Variants in NINJ2 observed in about 807,000 individuals in gnomAD.
The protein encoded by NINJ2 is ninjurin-2.
Under a neutral mutation model 11.7 loss-of-function variants are expected in NINJ2, and 12 were observed. The ratio of observed to expected loss-of-function variants is 1.02; its 90% CI spans 0.66 to 1.66. NINJ2 has a LOEUF of 1.66. NINJ2 is among the 40% of genes most tolerant of loss of function. The probability of loss-of-function intolerance (pLI) is 0.00; values close to 1 mark genes in which losing one functional copy is unlikely to be tolerated. For synonymous variants in NINJ2, 93 were observed against 76.8 expected (o/e 1.21, Z -1.10); for missense variants, 187 against 181.8 (o/e 1.03, Z -0.16).
chr12:663,050 G>A (rs543306320), intron 1 of NINJ2, among the ~76,000 whole-genome samples: 2 of 152,236 alleles, frequency 1.3e-5, no homozygotes, highest in East Asian at 1.9e-4. Flanking sequence ...CTGGTAATAC[G>A]GATCTAATTA....
chr12:590,963 C>T (rs12146777), intron 1 of NINJ2: 78 of 29,028 alleles, frequency 2.7e-3, no homozygotes, highest in African/African-American at 5.7e-3. Flanking sequence ...ATCAAGGTTA[C>T]TGGGAGGCTG....
intron 1 of NINJ2, among the ~76,000 whole-genome samples, chr12:607,337 A>G (rs542081734): frequency 7.2e-6 from 1 of 139,454 alleles, no homozygotes; most frequent in East Asian, 2.1e-4. Flanking sequence ...ACTACATAGT[A>G]GGTACTCTGT....
intron 1 of NINJ2, among the ~76,000 whole-genome samples, chr12:653,254 C>T (rs1014202321): frequency 2.0e-5 from 3 of 151,620 alleles, no homozygotes; most frequent in South Asian, 2.1e-4. Flanking sequence ...TCTCTTGACC[C>T]GTGATCTGCC....
intron 1 of NINJ2, among the ~76,000 whole-genome samples, chr12:572,626 G>A (rs866688022): frequency 3.3e-5 from 5 of 152,182 alleles, no homozygotes; most frequent in Non-Finnish European, 7.4e-5. Context: ...CAGCACACTG[G>A]AACGATGGTG....
At chr12:577,948 C>A (rs1343717236) in intron 1 of NINJ2, among the ~76,000 whole-genome samples, 1 of 152,118 alleles carries the variant, frequency 6.6e-6, no homozygotes, top group East Asian at 1.9e-4. Context: ...TTGTCTTATG[C>A]CCAATTTCTG....
intron 1 of NINJ2, among the ~76,000 whole-genome samples, chr12:605,725 G>A (rs1274863410): frequency 6.6e-6 from 1 of 152,162 alleles, no homozygotes; most frequent in Non-Finnish European, 1.5e-5. Flanking sequence ...GAAGATGAGG[G>A]GTTTTGGGGT....
chr12:634,717 T>C (rs2120450917), intron 1 of NINJ2, among the ~76,000 whole-genome samples: 1 of 152,280 alleles, frequency 6.6e-6, no homozygotes, highest in South Asian at 2.1e-4. Flanking sequence ...CAAGACAAAA[T>C]AAAATGTTTG....
chr12:567,493 G>T (rs1246196821), intron 1 of NINJ2, among the ~76,000 whole-genome samples: 20 of 152,148 alleles, frequency 1.3e-4, no homozygotes. Flanking sequence ...AGGGATGGAT[G>T]GATGGATGGA....
intron 1 of NINJ2, among the ~76,000 whole-genome samples, chr12:634,265 CTTTTTTTTTTTTTTT>C (rs67797144): frequency 1.7e-5 from 1 of 59,480 alleles, no homozygotes; most frequent in African/African-American, 5.6e-5. Context: ...AGTTGCAGTT[CTTTTTTTTTTTTTTT>C]TTTTTTTTTT....
chr12:630,030 A>G (rs1415635334), intron 1 of NINJ2, among the ~76,000 whole-genome samples: 1 of 150,306 alleles, frequency 6.7e-6, no homozygotes, highest in African/African-American at 2.4e-5. Flanking sequence ...AAACAAAACA[A>G]TTGGACACCC....
chr12:616,147 G>A (rs570106608), intron 1 of NINJ2, among the ~76,000 whole-genome samples: 71 of 152,180 alleles, frequency 4.7e-4, no homozygotes, highest in Non-Finnish European at 9.3e-4. Context: ...CCATTTCAAC[G>A]GGTTGCCTGG....
At chr12:565,438 C>G in intron 2 of NINJ2, 37 bp from the exon 3 acceptor site, 3 of 1,603,374 alleles carry the variant, frequency 1.9e-6, no homozygotes, top group Non-Finnish European at 1.7e-6. Context: ...GGGTCAGAGA[C>G]GGGGCCACAG....
chr12:611,227 T>C (rs10849339), intron 1 of NINJ2, among the ~76,000 whole-genome samples: 29,831 of 142,340 alleles, frequency 0.21, 3,218 homozygotes, highest in East Asian at 0.31. Flanking sequence ...CTTTCTTTCT[T>C]TTTCTTTCTT....
At chr12:617,483 G>A (rs1948106895) in intron 1 of NINJ2, among the ~76,000 whole-genome samples, 1 of 152,214 alleles carries the variant, frequency 6.6e-6, no homozygotes, top group South Asian at 2.1e-4. Context: ...TGAGGCAAGT[G>A]TCCTGGCTGA....
chr12:585,328 G>T lies in NINJ2; in HGVS notation c.34-19150C>A, dbSNP rs1270348287. On this transcript the variant is annotated intron_variant, in intron 1 of 3. Coordinates refer to ENST00000305108, the MANE Select transcript of NINJ2 (RefSeq NM_016533.6). The surrounding 1 kb of genome is among the most constrained non-coding windows in gnomAD (Gnocchi z 4.1). ...GGTAGAACTGCCCATGCCAAGAGGG[G>T]TCCATACCAACTTCCGGAATAAACG... Among the ~76,000 whole-genome samples the T allele has an allele frequency of 6.6e-6, 1 of 152,184 alleles. No individual in the cohort carries two copies. The highest frequency in any genetic ancestry group is 1.9e-4 in the East Asian group (1 of 5,196).
Position 585,625 on chromosome 12 carries a change from G to C in NINJ2, c.34-19447C>G, listed in dbSNP as rs1947626844. Among the ~76,000 whole-genome samples, 1 of 152,228 alleles carries C rather than the reference G, an allele frequency of 6.6e-6. No homozygotes were observed. On this transcript the variant is annotated intron_variant, in intron 1 of 3. Transcript: ENST00000305108. The surrounding 1 kb of genome is among the most constrained non-coding windows in gnomAD (Gnocchi z 4.1). ...GCACCCTGGCCTGCTCTGCGGATGA[G>C]TCAGCAGCATCGATTAAGCACCCAC...
chr12:595,624 A>G (rs111846879), intron 1 of NINJ2, among the ~76,000 whole-genome samples: 1 of 152,276 alleles, frequency 6.6e-6, no homozygotes, highest in African/African-American at 2.4e-5. Context: ...GTGTTGGTGC[A>G]TGCCTGTAAT....
At chr12:656,489 A>G (rs1319549269) in intron 1 of NINJ2, among the ~76,000 whole-genome samples, 1 of 149,886 alleles carries the variant, frequency 6.7e-6, no homozygotes, top group Non-Finnish European at 1.5e-5. Context: ...GGTGGCTCAC[A>G]CCTGTAATCC....
intron 1 of NINJ2, among the ~76,000 whole-genome samples, chr12:655,343 G>T (rs888926401): frequency 1.3e-5 from 2 of 152,186 alleles, no homozygotes; most frequent in Admixed American, 1.3e-4. Context: ...GTTTGCAGAT[G>T]ACATGATTGT....
Sources: allele counts gnomAD v4.1 joint callset (sites outside exome capture counted in the v4.1 genomes callset), GRCh38; gene constraint gnomAD v4.1.1; non-coding constraint Gnocchi (gnomAD v3.1); transcripts MANE v1.5; gene names NCBI Gene and HGNC (gene_info 2026-07-23, HGNC 2026-07-21).